SH3KBP1: variants seen among roughly 807,000 people sequenced by gnomAD.
SH3KBP1 encodes SH3 domain-containing kinase-binding protein 1.
Under a neutral mutation model 50.1 loss-of-function variants are expected in SH3KBP1, and 8 were observed. That is an observed-to-expected ratio of 0.16 (90% CI 0.09 to 0.29). SH3KBP1 has a LOEUF of 0.29. SH3KBP1 is among the 10% of genes least tolerant of loss of function. The probability of loss-of-function intolerance (pLI) is 1.00; values close to 1 mark genes in which losing one functional copy is unlikely to be tolerated. For missense variants in SH3KBP1, 377 were observed against 535.2 expected (o/e 0.70, Z 2.92); for synonymous variants, 227 against 218.6 (o/e 1.04, Z -0.34).
chrX:19,647,902 G>A (rs899834876), intron 6 of SH3KBP1: 36 of 317,574 alleles, frequency 1.1e-4, no homozygotes, highest in South Asian at 6.9e-4. Context: ...CACACCCTCC[G>A]TGGGATTCTG....
At chrX:19,641,079 TCTTTC>T (rs2097816631) in intron 7 of SH3KBP1, among the ~76,000 whole-genome samples, 2 of 111,672 alleles carry the variant, frequency 1.8e-5, no homozygotes, top group African/African-American at 6.6e-5. Flanking sequence ...GTTGCTTTAC[TCTTTC>T]CTTGCTTTGT....
chrX:19,649,934 T>C (rs1473727523), intron 6 of SH3KBP1, among the ~76,000 whole-genome samples: 1 of 112,252 alleles, frequency 8.9e-6, no homozygotes, highest in East Asian at 2.8e-4. Flanking sequence ...ATCAAGAGTA[T>C]AAAATTCCTT....
Position 19,554,348 on chromosome X carries a change from TAATA to T in SH3KBP1, c.1385-4269_1385-4266del, listed in dbSNP as rs766813599. On this transcript the variant is annotated intron_variant, in intron 13 of 17. Transcript: ENST00000397821. ...TAAAATATAATATTATATATCATAT[TAATA>T]TATTATATATCATATTAAAATATAA... Among the ~76,000 whole-genome samples the T allele has an allele frequency of 2.8e-4, 19 of 67,469 alleles. No homozygotes were observed. The East Asian group carries it at 4.8e-3, about 17-fold the overall frequency. The allele number at this position is 67,469 out of a possible 115,157, so 58.6% of individuals were successfully genotyped here.
At chrX:19,700,683 T>C (rs1254093049) in intron 4 of SH3KBP1, among the ~76,000 whole-genome samples, 1 of 112,265 alleles carries the variant, frequency 8.9e-6, no homozygotes, top group African/African-American at 3.2e-5. Flanking sequence ...AAAAAATATA[T>C]CTTTAAGGGG....
chrX:19,708,572 GCCA>G (rs895483744), intron 3 of SH3KBP1, among the ~76,000 whole-genome samples: 1 of 111,133 alleles, frequency 9.0e-6, no homozygotes, highest in African/African-American at 3.3e-5. Flanking sequence ...TGCAAAGAAC[GCCA>G]CCACTATACC....
At chrX:19,744,130 G>A (rs2064850066) in intron 3 of SH3KBP1, among the ~76,000 whole-genome samples, 1 of 112,357 alleles carries the variant, frequency 8.9e-6, no homozygotes, top group South Asian at 3.6e-4. Flanking sequence ...AAAGCTCGAT[G>A]ATGGAAACAA....
intron 2 of SH3KBP1, among the ~76,000 whole-genome samples, chrX:19,792,594 T>G (rs1288471817): frequency 1.8e-5 from 2 of 110,846 alleles, no homozygotes; most frequent in East Asian, 5.7e-4. Context: ...TTCTGATGCT[T>G]TAGAAACTAG....
At chrX:19,687,951 G>C (rs1054545814) in intron 5 of SH3KBP1, among the ~76,000 whole-genome samples, 1 of 112,131 alleles carries the variant, frequency 8.9e-6, no homozygotes, top group African/African-American at 3.2e-5. Flanking sequence ...CAAATGACTG[G>C]CATGTACATT....
At chrX:19,641,834 T>C (rs894410403) in intron 7 of SH3KBP1, among the ~76,000 whole-genome samples, 1 of 111,366 alleles carries the variant, frequency 9.0e-6, no homozygotes, top group African/African-American at 3.3e-5. Context: ...GGCTAATAGC[T>C]TTTTAATTTT....
intron 3 of SH3KBP1, among the ~76,000 whole-genome samples, chrX:19,743,512 C>A (rs1467224028): frequency 1.8e-5 from 2 of 111,858 alleles, no homozygotes; most frequent in African/African-American, 6.5e-5. Context: ...ACTCTGCAGA[C>A]GTTTACAAAC....
At chrX:19,710,410 T>C (rs1399895141) in intron 3 of SH3KBP1, among the ~76,000 whole-genome samples, 1 of 111,720 alleles carries the variant, frequency 9.0e-6, no homozygotes, top group Non-Finnish European at 1.9e-5. Flanking sequence ...AGAAGGTCAA[T>C]AGTAGCCAAA....
chrX:19,597,164 G>A (rs569459783), intron 9 of SH3KBP1, among the ~76,000 whole-genome samples: 2 of 112,077 alleles, frequency 1.8e-5, no homozygotes, highest in African/African-American at 6.5e-5. Context: ...TGATCCATGG[G>A]CTGCAGAACG....
intron 3 of SH3KBP1, among the ~76,000 whole-genome samples, chrX:19,710,114 G>A (rs140067530): frequency 8.9e-6 from 1 of 111,964 alleles, no homozygotes; most frequent in African/African-American, 3.3e-5. Context: ...TCAGTTACCT[G>A]TGGCCACCTA....
chrX:19,749,335 C>A (rs934670409), intron 2 of SH3KBP1, among the ~76,000 whole-genome samples: 2 of 112,601 alleles, frequency 1.8e-5, no homozygotes, highest in African/African-American at 6.5e-5. Flanking sequence ...GAATTGAAAG[C>A]TTTGCCCCCA....
chrX:19,603,358 G>T (rs2067149138), intron 9 of SH3KBP1, among the ~76,000 whole-genome samples: 1 of 112,354 alleles, frequency 8.9e-6, no homozygotes. Flanking sequence ...AAATGACCGG[G>T]GCAGGCAGAC....
Position 19,588,684 on chromosome X carries a change from C to T in SH3KBP1, c.1257G>A (p.Pro419=), listed in dbSNP as rs199796248. Residue 419 remains proline (P), a synonymous_variant, in exon 12 of 18, where the codon CCG becomes CCA. Coordinates refer to ENST00000397821, the MANE Select transcript of SH3KBP1 (RefSeq NM_031892.3). ...GACCCACCGGTCTCTCCGGCCTTCTCGGGGGCAGTGCGCCAGGTCTGCTGA... is the reference window on the plus strand; with the variant it reads ...GACCCACCGGTCTCTCCGGCCTTCTTGGGGGCAGTGCGCCAGGTCTGCTGA... ...NSLSRPGALP[P]RRPERPVGPL... The T allele has an allele frequency of 1.9e-5, 23 of 1,206,106 alleles. No individual in the cohort carries two copies. The highest frequency in any genetic ancestry group is 3.5e-5 in the African/African-American group (2 of 56,403).
chrX:19,804,892 C>G (rs1241366355), intron 2 of SH3KBP1, among the ~76,000 whole-genome samples: 11 of 85,994 alleles, frequency 1.3e-4, no homozygotes, highest in South Asian at 9.5e-4. Context: ...ACCCCCCCCC[C>G]CCCACCCGCT....
At position 19,668,971 on chromosome X, in the gene SH3KBP1, TA is replaced by T. The variant is rs1461530953; in HGVS notation, c.726+14851del. On this transcript the variant is annotated intron_variant, in intron 6 of 17. Coordinates refer to ENST00000397821, the MANE Select transcript of SH3KBP1 (RefSeq NM_031892.3). ...ATATATATATATATATATATATATA[TA>T]TATTTTTTGAGACAGGCTGTCACTC... 5.7e-3 allele frequency among the ~76,000 whole-genome samples: 318 copies of T among 55,914 alleles called. 5 individuals are homozygous for T. Among genetic ancestry groups the T allele is most frequent in the East Asian group, 0.042 (101 of 2,424 alleles). The allele number at this position is 55,914 out of a possible 115,157, so 48.6% of individuals were successfully genotyped here. A position where few individuals can be genotyped will look rare whatever the true frequency, so the allele number is the denominator to read the frequency against.
At chrX:19,594,577 T>G (rs1198358164) in intron 10 of SH3KBP1, among the ~76,000 whole-genome samples, 2 of 112,101 alleles carry the variant, frequency 1.8e-5, no homozygotes, top group Non-Finnish European at 3.8e-5. Context: ...CAATCTTCCC[T>G]AAGCTGACCT....
Sources: allele counts gnomAD v4.1 joint callset (sites outside exome capture counted in the v4.1 genomes callset), GRCh38; gene constraint gnomAD v4.1.1; transcripts MANE v1.5; gene names NCBI Gene and HGNC (gene_info 2026-07-23, HGNC 2026-07-21).